Variants in DUSP22 observed in about 807,000 individuals in gnomAD.
DUSP22 encodes the protein dual specificity phosphatase 22.
DUSP22 carries 24 observed loss-of-function variants against 24.5 expected under a neutral mutation model. That is an observed-to-expected ratio of 0.98 (90% CI 0.71 to 1.38). DUSP22 has a LOEUF of 1.38. Among genes scored for constraint, DUSP22 ranks in the 40% most tolerant of loss-of-function variants. DUSP22 has a pLI of 0.00. For synonymous variants in DUSP22, 160 were observed against 106.4 expected (o/e 1.50, Z -3.10); for missense variants, 330 against 269.2 (o/e 1.23, Z -1.58).
chr6:344,879 G>A (rs1427577178), intron 4 of DUSP22, among the ~76,000 whole-genome samples: 1 of 152,304 alleles, frequency 6.6e-6, no homozygotes. Context: ...CCCACACGAC[G>A]TGGTCACCTT....
intron 3 of DUSP22, among the ~76,000 whole-genome samples, 184 bp from the exon 4 acceptor site, chr6:334,930 G>C (rs1412076107): frequency 2.0e-5 from 3 of 152,304 alleles, no homozygotes; most frequent in Non-Finnish European, 4.4e-5. Flanking sequence ...TGTACGCATG[G>C]TCACGGAAAA....
Position 328,889 on chromosome 6 carries a change from A to G in DUSP22, c.139-6225A>G, listed in dbSNP as rs1410472525. Among the ~76,000 whole-genome samples, 18 of 152,420 alleles carry G rather than the reference A, an allele frequency of 1.2e-4. No homozygotes were observed. In the South Asian group the frequency reaches 3.3e-3, roughly 28 times the overall value. ...TGTGTTGACTTCCAGTACTTAGTCCATAGGCATACGTAAGTTTTTCCAGGT... is the reference window on the plus strand; with the variant it reads ...TGTGTTGACTTCCAGTACTTAGTCCGTAGGCATACGTAAGTTTTTCCAGGT... On this transcript the variant is annotated intron_variant, in intron 3 of 6. Transcript: ENST00000419235.
At chr6:310,756 A>G (rs571190275) in intron 2 of DUSP22, among the ~76,000 whole-genome samples, 20 of 152,308 alleles carry the variant, frequency 1.3e-4, no homozygotes, top group Non-Finnish European at 2.6e-4. Context: ...AATATCCCTA[A>G]TATTATGTGT....
chr6:307,489 G>C (rs1455823463), intron 2 of DUSP22, among the ~76,000 whole-genome samples: 1 of 152,302 alleles, frequency 6.6e-6, no homozygotes, highest in Non-Finnish European at 1.5e-5. Context: ...AACAAACCCA[G>C]CTCTGGAGCC....
intron 3 of DUSP22, among the ~76,000 whole-genome samples, chr6:332,192 G>T (rs1314093801): frequency 6.6e-6 from 1 of 152,310 alleles, no homozygotes; most frequent in South Asian, 2.1e-4. Context: ...TTGTCATTCT[G>T]TCTTCAACAG....
intron 4 of DUSP22, among the ~76,000 whole-genome samples, chr6:341,999 T>G (rs1759629663): frequency 6.6e-6 from 1 of 152,296 alleles, no homozygotes; most frequent in African/African-American, 2.4e-5. Flanking sequence ...TGTCTGTGGT[T>G]GGGGACGTGC....
Position 349,239 on chromosome 6 carries a change from CTAAG to C in DUSP22, c.*290_*293del, listed in dbSNP as rs1215956847. 6 of 1,363,024 alleles carry C rather than the reference CTAAG, an allele frequency of 4.4e-6. No individual in the cohort carries two copies. The highest frequency in any genetic ancestry group is 2.9e-5 in the East Asian group (1 of 34,650). 84.4% of individuals were successfully genotyped at this position (1,363,024 alleles called of 1,614,324 possible). ...TGTGAGTGCACTTGTGTGTGGGTGA[CTAAG>C]TGGATGCATGTGTGTGCCTGTGTGA... On this transcript the variant is annotated 3_prime_UTR_variant, in exon 7 of 7. Coordinates refer to ENST00000419235, the MANE Select transcript of DUSP22 (RefSeq NM_001286555.3).
At position 350,570 on chromosome 6, in the gene DUSP22, T is replaced by G. The variant is rs1760150978; in HGVS notation, c.*1619T>G. ...ACAAAGTTGCCTGATTCCGCGCAGG[T>G]GCACAGGCCCCGGATGTACACCCGG... On this transcript the variant is annotated 3_prime_UTR_variant, in exon 7 of 7. Coordinates refer to ENST00000419235, the MANE Select transcript of DUSP22 (RefSeq NM_001286555.3). 2 of 1,398,322 alleles carry G rather than the reference T, an allele frequency of 1.4e-6. No homozygotes were observed. The highest frequency in any genetic ancestry group is 2.8e-5 in the East Asian group (1 of 36,204). The allele number at this position is 1,398,322 out of a possible 1,614,324, so 86.6% of individuals were successfully genotyped here. A position where few individuals can be genotyped will look rare whatever the true frequency, so the allele number is the denominator to read the frequency against.
At chr6:295,766 C>T (rs12662831) in intron 1 of DUSP22, among the ~76,000 whole-genome samples, 2 of 150,272 alleles carry the variant, frequency 1.3e-5, no homozygotes, top group Non-Finnish European at 3.0e-5. Flanking sequence ...TGCCACCGCA[C>T]TCCAGCCTGA....
At chr6:322,266 T>A (rs1477617094) in intron 3 of DUSP22, among the ~76,000 whole-genome samples, 3 of 152,306 alleles carry the variant, frequency 2.0e-5, no homozygotes, top group Non-Finnish European at 4.4e-5. Flanking sequence ...AGCGTCTTGC[T>A]TTTATGTGGT....
intron 1 of DUSP22, among the ~76,000 whole-genome samples, chr6:297,126 C>T (rs1757370360): frequency 1.3e-5 from 2 of 152,424 alleles, no homozygotes; most frequent in South Asian, 4.1e-4. Context: ...TGGGTGTGAT[C>T]CTGAAGAAGT....
chr6:313,177 A>T lies in DUSP22; in HGVS notation c.138+1215A>T, dbSNP rs575923252. Among the ~76,000 whole-genome samples the T allele has an allele frequency of 7.9e-5, 12 of 152,418 alleles. No homozygotes were observed. The East Asian group carries it at 2.1e-3, about 27-fold the overall frequency. ...TTAAACTGCAAACTGGTCATGATTG[A>T]CTTCCTCTTAAATCACAAGATGAGG... is the stretch of plus-strand genomic sequence containing the variant. On this transcript the variant is annotated intron_variant, in intron 3 of 6. Coordinates refer to ENST00000419235, the MANE Select transcript of DUSP22 (RefSeq NM_001286555.3).
chr6:296,704 G>C (rs566931633), intron 1 of DUSP22, among the ~76,000 whole-genome samples: 16 of 152,414 alleles, frequency 1.0e-4, no homozygotes, highest in African/African-American at 3.8e-4. Context: ...CAAACGACTA[G>C]TCTCTAGCCA....
intron 1 of DUSP22, among the ~76,000 whole-genome samples, chr6:295,918 A>G (rs1268008743): frequency 4.6e-5 from 7 of 152,250 alleles, no homozygotes. Flanking sequence ...ATTTGCCCAG[A>G]TTGGGGAATG....
intron 5 of DUSP22, among the ~76,000 whole-genome samples, chr6:347,663 CT>C (rs1454682660): frequency 6.6e-6 from 1 of 152,304 alleles, no homozygotes; most frequent in Non-Finnish European, 1.5e-5. Context: ...AGATCTAGCC[CT>C]CATATAGCTG....
chr6:319,080 A>G (rs1409577239), intron 3 of DUSP22, among the ~76,000 whole-genome samples: 2 of 151,950 alleles, frequency 1.3e-5, no homozygotes, highest in Admixed American at 6.5e-5. Context: ...GTGATTTCCT[A>G]GAGAACTAGA....
chr6:327,753 G>C (rs1758949675), intron 3 of DUSP22, among the ~76,000 whole-genome samples: 1 of 152,428 alleles, frequency 6.6e-6, no homozygotes, highest in African/African-American at 2.4e-5. Context: ...AGGTTTTACT[G>C]AGAAGAGCCA....
At chr6:295,100 A>T (rs954473409) in intron 1 of DUSP22, among the ~76,000 whole-genome samples, 1 of 152,290 alleles carries the variant, frequency 6.6e-6, no homozygotes, top group Non-Finnish European at 1.5e-5. Flanking sequence ...AGAATGGTTG[A>T]TTTGCAGAAT....
chr6:299,469 G>C (rs1757486038), intron 1 of DUSP22, among the ~76,000 whole-genome samples: 2 of 152,306 alleles, frequency 1.3e-5, no homozygotes, highest in African/African-American at 4.8e-5. Flanking sequence ...AAATATTCAT[G>C]GGCCTTTTAT....
Sources: allele counts gnomAD v4.1 joint callset (sites outside exome capture counted in the v4.1 genomes callset), GRCh38; gene constraint gnomAD v4.1.1; transcripts MANE v1.5; gene names NCBI Gene and HGNC (gene_info 2026-07-23, HGNC 2026-07-21).